Variants in ACAD11 observed in about 807,000 individuals in gnomAD.
ACAD11 encodes the protein acyl-CoA dehydrogenase family member 11.
ACAD11 carries 83 observed loss-of-function variants against 102.2 expected under a neutral mutation model. The ratio of observed to expected loss-of-function variants is 0.81; its 90% CI spans 0.68 to 0.97. The LOEUF (loss-of-function observed/expected upper bound fraction) is 0.97. ACAD11 is among the 50% of genes least tolerant of loss of function. The pLI is 0.00. For synonymous variants in ACAD11, 324 were observed against 319.8 expected (o/e 1.01, Z -0.14); for missense variants, 901 against 951.7 (o/e 0.95, Z 0.70).
At chr3:132,654,162 T>A (rs189692235) in intron 1 of ACAD11, among the ~76,000 whole-genome samples, 6 of 152,322 alleles carry the variant, frequency 3.9e-5, no homozygotes. Context: ...TCTCTTCCTT[T>A]CCTAGCCCAC....
intron 11 of ACAD11, among the ~76,000 whole-genome samples, chr3:132,608,420 A>C (rs1938955970): frequency 6.6e-6 from 1 of 152,190 alleles, no homozygotes. Context: ...AAATAAAGGG[A>C]TGGAGGAAGA....
At chr3:132,595,171 G>A (rs985931042) in intron 13 of ACAD11, among the ~76,000 whole-genome samples, 5 of 152,074 alleles carry the variant, frequency 3.3e-5, no homozygotes, top group African/African-American at 1.2e-4. Context: ...GTGGTGATTG[G>A]GCAAAGACTT....
intron 2 of ACAD11, among the ~76,000 whole-genome samples, chr3:132,644,154 G>A (rs1940629718): frequency 6.6e-6 from 1 of 152,094 alleles, no homozygotes; most frequent in African/African-American, 2.4e-5. Context: ...AGTGACCTGG[G>A]CCTGGGAAGC....
In ACAD11 at chr3:132,622,673, T is replaced by C. The variant is rs572831095; in HGVS notation, c.1198-3128A>G. ...AATTCCTCATTATAAAGAACCCTTC[T>C]TTGGTTCTTAAAGTAAGAAAAGTAA... On this transcript the variant is annotated intron_variant, in intron 9 of 19. Coordinates refer to ENST00000264990, the MANE Select transcript of ACAD11 (RefSeq NM_032169.5). 9.8e-5 allele frequency among the ~76,000 whole-genome samples: 15 copies of C among 152,328 alleles called. No homozygotes were observed. In the South Asian group the frequency reaches 2.9e-3, roughly 29 times the overall value.
chr3:132,599,218 T>A (rs1315627430), intron 13 of ACAD11, among the ~76,000 whole-genome samples: 1 of 151,924 alleles, frequency 6.6e-6, no homozygotes, highest in Non-Finnish European at 1.5e-5. Flanking sequence ...GATTAAAATT[T>A]AAAAATAGGC....
chr3:132,615,313 T>C (rs1420862886), intron 11 of ACAD11, among the ~76,000 whole-genome samples: 2 of 152,174 alleles, frequency 1.3e-5, no homozygotes, highest in Non-Finnish European at 2.9e-5. Context: ...GACCCACCAA[T>C]CCCATTACTG....
intron 13 of ACAD11, among the ~76,000 whole-genome samples, chr3:132,587,886 A>G (rs1251869530): frequency 6.6e-6 from 1 of 152,180 alleles, no homozygotes; most frequent in East Asian, 1.9e-4. Flanking sequence ...TTCAGGAGTT[A>G]GCCAGAGACC....
rs763481850 is a variant in ACAD11, at chr3:132,577,015, T to C, written c.1775A>G (p.Asp592Gly). The C allele has an allele frequency of 5.0e-6, 8 of 1,590,138 alleles. No homozygotes were observed. Among genetic ancestry groups the C allele is most frequent in the Non-Finnish European group, 6.0e-6 (7 of 1,161,230 alleles). The change falls in exon 16 of 20, where the codon GAT becomes GGT. Residue 592 changes from aspartate to glycine, a missense_variant and splice_region_variant. Asp to Gly is a moderately conservative substitution (Grantham distance 94, BLOSUM62 -1). Coordinates refer to ENST00000264990, the MANE Select transcript of ACAD11 (RefSeq NM_032169.5). ...CTCAAAATGTCCTCCATGAAAATTA[T>C]CTATAAAATAGAAAATAAAATTTAG... The part of the protein sequence containing the change: ...IRPLSVFGYT[D>G]NFHGGHFEIH...
At chr3:132,571,362 TAAATTTG>T (rs1937373443) in intron 17 of ACAD11, among the ~76,000 whole-genome samples, 1 of 150,562 alleles carries the variant, frequency 6.6e-6, no homozygotes, top group Non-Finnish European at 1.5e-5. Flanking sequence ...TTTTTTTTTG[TAAATTTG>T]TTTAAGTTCC....
chr3:132,577,091 TATA>T, intron 15 of ACAD11, 76 bp from the exon 16 acceptor site: 1 of 860,292 alleles, frequency 1.2e-6, no homozygotes, highest in East Asian at 2.7e-5. Context: ...TCTGCTGAAA[TATA>T]ATTACTTGAA....
intron 17 of ACAD11, among the ~76,000 whole-genome samples, chr3:132,561,632 C>T (rs567936084): frequency 6.6e-6 from 1 of 152,306 alleles, no homozygotes; most frequent in East Asian, 1.9e-4. Flanking sequence ...AGAAAATTCT[C>T]AGCACAATTT....
chr3:132,604,441 T>C (rs1298751614), intron 12 of ACAD11, among the ~76,000 whole-genome samples: 1 of 152,022 alleles, frequency 6.6e-6, no homozygotes, highest in East Asian at 1.9e-4. Context: ...AAAAGAGGAG[T>C]ACTGTATAAA....
rs1337861464 is a variant in ACAD11, at chr3:132,619,561, G to A, written c.1198-16C>T. 1.4e-6 allele frequency: 2 copies of A among 1,478,202 alleles called. No homozygotes were observed. Among genetic ancestry groups the A allele is most frequent in the Non-Finnish European group, 1.8e-6 (2 of 1,093,742 alleles). The allele number at this position is 1,478,202 out of a possible 1,614,324, so 91.6% of individuals were successfully genotyped here. ...CAGTTACCTCCTTAAAGTAATAAAA[G>A]AAAAAAATTTCACTAGCTAAAGTTA... On this transcript the variant is annotated splice_polypyrimidine_tract_variant and intron_variant, in intron 9 of 19. Transcript: ENST00000264990.
At chr3:132,645,567 T>C (rs953120269) in intron 1 of ACAD11, among the ~76,000 whole-genome samples, 8 of 152,214 alleles carry the variant, frequency 5.3e-5, no homozygotes, top group African/African-American at 1.4e-4. Flanking sequence ...AATATGGGCA[T>C]TTAAGAATCG....
chr3:132,641,695 A>AGAG (rs200384854), intron 4 of ACAD11, among the ~76,000 whole-genome samples: 1 of 124,900 alleles, frequency 8.0e-6, no homozygotes, highest in Non-Finnish European at 1.8e-5. Flanking sequence ...AGGAAGAGGA[A>AGAG]GAGGAAGAAG....
At chr3:132,606,219 T>A (rs1938830837) in intron 11 of ACAD11, among the ~76,000 whole-genome samples, 2 of 152,218 alleles carry the variant, frequency 1.3e-5, no homozygotes, top group Admixed American at 6.5e-5. Context: ...TTGTGTAAGT[T>A]AAACTTCTCA....
intron 9 of ACAD11, among the ~76,000 whole-genome samples, chr3:132,622,080 A>G (rs1019032350): frequency 6.6e-6 from 1 of 152,158 alleles, no homozygotes; most frequent in East Asian, 1.9e-4. Flanking sequence ...GCATTTTCCA[A>G]TATTTTGCTA....
At chr3:132,590,680 G>T (rs759702828) in intron 13 of ACAD11, among the ~76,000 whole-genome samples, 19 of 152,034 alleles carry the variant, frequency 1.2e-4, no homozygotes, top group Admixed American at 3.3e-4. Context: ...GTTATTTTTT[G>T]ACTTTTTAAT....
chr3:132,600,861 G>A lies in ACAD11; in HGVS notation c.1621+2368C>T, dbSNP rs554699378. The A allele has an allele frequency of 5.9e-5, 95 of 1,613,996 alleles. 1 individual carries two copies. In the South Asian group the frequency reaches 1.0e-3, roughly 17 times the overall value. ...CAATCAGGAGTGGGAAAACCATGCTGGATCATCTGTTTCTGTGTCTGGATG... is the reference window on the plus strand; with the variant it reads ...CAATCAGGAGTGGGAAAACCATGCTAGATCATCTGTTTCTGTGTCTGGATG... On this transcript the variant is annotated intron_variant, in intron 13 of 19. Transcript: ENST00000264990.
Sources: allele counts gnomAD v4.1 joint callset (sites outside exome capture counted in the v4.1 genomes callset), GRCh38; gene constraint gnomAD v4.1.1; transcripts MANE v1.5; gene names NCBI Gene and HGNC (gene_info 2026-07-23, HGNC 2026-07-21).